FER: variants seen among roughly 807,000 people sequenced by gnomAD.
FER encodes tyrosine-protein kinase Fer.
In FER, 63 loss-of-function variants were observed where a neutral mutation model predicts 111.0. That is an observed-to-expected ratio of 0.57 (90% CI 0.46 to 0.70). The LOEUF (loss-of-function observed/expected upper bound fraction) is 0.70. FER is among the 30% of genes least tolerant of loss of function. The pLI, the probability that FER is intolerant of heterozygous loss-of-function variation, is 0.00. For missense variants in FER, 914 were observed against 954.0 expected (o/e 0.96, Z 0.55); for synonymous variants, 327 against 313.9 (o/e 1.04, Z -0.44).
At chr5:108,889,038 G>A (rs905381903) in intron 9 of FER, among the ~76,000 whole-genome samples, 2 of 151,762 alleles carry the variant, frequency 1.3e-5, no homozygotes, top group African/African-American at 4.8e-5. Context: ...AGTCCTGAAG[G>A]GGAATAAAAA....
At chr5:109,147,780 C>CATATATAT (rs145167406) in intron 17 of FER, among the ~76,000 whole-genome samples, 21 of 140,156 alleles carry the variant, frequency 1.5e-4, no homozygotes, top group African/African-American at 3.9e-4. Flanking sequence ...CACACACATA[C>CATATATAT]ATATATATAT....
At chr5:108,962,307 A>G (rs1759251771) in intron 13 of FER, among the ~76,000 whole-genome samples, 1 of 152,192 alleles carries the variant, frequency 6.6e-6, no homozygotes. Flanking sequence ...TTCTTACATT[A>G]GCAAACAAGT....
At chr5:109,178,940 G>A (rs902882637) in intron 17 of FER, among the ~76,000 whole-genome samples, 10 of 151,930 alleles carry the variant, frequency 6.6e-5, no homozygotes, top group African/African-American at 2.4e-4. Flanking sequence ...ATATTCACAT[G>A]ATTTTTTTCA....
At chr5:109,146,989 G>C (rs994852033) in intron 17 of FER, among the ~76,000 whole-genome samples, 5 of 151,964 alleles carry the variant, frequency 3.3e-5, no homozygotes, top group African/African-American at 1.2e-4. Flanking sequence ...ATAAATGGAG[G>C]CAAAAATGTT....
At chr5:109,053,338 A>G (rs1030971453) in intron 16 of FER, among the ~76,000 whole-genome samples, 1 of 146,664 alleles carries the variant, frequency 6.8e-6, no homozygotes, top group African/African-American at 2.5e-5. Flanking sequence ...AGCCAAGATC[A>G]TGCCACTGCA....
chr5:109,002,378 T>G (rs1351913703), intron 13 of FER, among the ~76,000 whole-genome samples: 1 of 151,544 alleles, frequency 6.6e-6, no homozygotes, highest in Non-Finnish European at 1.5e-5. Context: ...GGGGAAAGGA[T>G]TCCCTATTTA....
At chr5:108,875,540 T>C (rs1765002318) in intron 8 of FER, among the ~76,000 whole-genome samples, 1 of 152,138 alleles carries the variant, frequency 6.6e-6, no homozygotes, top group Admixed American at 6.6e-5. Flanking sequence ...AATTTGGGAC[T>C]CAGTAATTTT....
chr5:108,821,087 G>T (rs929851983), intron 3 of FER, among the ~76,000 whole-genome samples: 4 of 152,228 alleles, frequency 2.6e-5, no homozygotes, highest in Non-Finnish European at 4.4e-5. Flanking sequence ...ACTCCAGCCT[G>T]GGTGATAGAG....
At chr5:108,827,175 G>A (rs1160889381) in intron 3 of FER, among the ~76,000 whole-genome samples, 1 of 152,180 alleles carries the variant, frequency 6.6e-6, no homozygotes, top group Admixed American at 6.5e-5. Context: ...CTTACATGAT[G>A]TAGTTCAATA....
At chr5:109,140,597 A>G (rs965955195) in intron 17 of FER, among the ~76,000 whole-genome samples, 1 of 152,198 alleles carries the variant, frequency 6.6e-6, no homozygotes, top group African/African-American at 2.4e-5. Flanking sequence ...ACTAAATACA[A>G]AAGCCTGTTA....
chr5:109,056,943 ATTAG>A (rs1364803567), intron 16 of FER, among the ~76,000 whole-genome samples: 1 of 152,108 alleles, frequency 6.6e-6, no homozygotes, highest in East Asian at 1.9e-4. Flanking sequence ...TAATTTTAGT[ATTAG>A]TTTTTCAGTT....
chr5:108,827,965 G>A lies in FER; in HGVS notation c.208-4805G>A, dbSNP rs528181293. Reference sequence around the variant, plus strand: ...CAACCTCAGCCTCCTGAGTAGCTAGGACTATAGAAACAAGCCACCATATCC... The same window carrying A: ...CAACCTCAGCCTCCTGAGTAGCTAGAACTATAGAAACAAGCCACCATATCC... On this transcript the variant is annotated intron_variant, in intron 3 of 19. Coordinates refer to ENST00000281092, the MANE Select transcript of FER (RefSeq NM_005246.4). Among the ~76,000 whole-genome samples, 8 of 151,628 alleles carry A rather than the reference G, an allele frequency of 5.3e-5. No homozygotes were observed. In the East Asian group the frequency reaches 1.5e-3, roughly 29 times the overall value.
chr5:109,048,308 T>C (rs3797830), intron 16 of FER, among the ~76,000 whole-genome samples: 28,653 of 152,094 alleles, frequency 0.19, 2,866 homozygotes, highest in Non-Finnish European at 0.22. Flanking sequence ...TTATCCTCAT[T>C]AAGATGGCAT....
intron 16 of FER, among the ~76,000 whole-genome samples, chr5:109,079,183 T>C (rs1013187032): frequency 5.3e-5 from 8 of 152,146 alleles, no homozygotes; most frequent in Non-Finnish European, 8.8e-5. Context: ...ATCTTATTAG[T>C]TGAAAAGAAA....
chr5:108,992,668 C>T (rs1329765001), intron 13 of FER, among the ~76,000 whole-genome samples: 1 of 145,362 alleles, frequency 6.9e-6, no homozygotes, highest in Non-Finnish European at 1.5e-5. Context: ...GGGCGGCTGG[C>T]CTGGCGGGGG....
intron 16 of FER, among the ~76,000 whole-genome samples, chr5:109,078,507 A>G (rs1035935054): frequency 5.3e-5 from 8 of 152,168 alleles, no homozygotes; most frequent in Non-Finnish European, 7.4e-5. Context: ...GAATTGAGCC[A>G]GCTGTACTAA....
At chr5:109,130,078 A>T (rs1170861859) in intron 17 of FER, among the ~76,000 whole-genome samples, 9 of 151,828 alleles carry the variant, frequency 5.9e-5, no homozygotes, top group African/African-American at 2.2e-4. Flanking sequence ...TTACATTTAT[A>T]CTTATGCTTC....
chr5:109,125,126 C>A (rs1217187768), intron 17 of FER, among the ~76,000 whole-genome samples: 1 of 150,870 alleles, frequency 6.6e-6, no homozygotes, highest in African/African-American at 2.4e-5. Flanking sequence ...TGACTTTATT[C>A]TTTCACTAAA....
intron 13 of FER, among the ~76,000 whole-genome samples, chr5:109,008,631 AT>A (rs1351681171): frequency 6.6e-6 from 1 of 152,126 alleles, no homozygotes; most frequent in Non-Finnish European, 1.5e-5. Flanking sequence ...CTTTAAAAAA[AT>A]ATTTTGCGTA....
Sources: allele counts gnomAD v4.1 joint callset (sites outside exome capture counted in the v4.1 genomes callset), GRCh38; gene constraint gnomAD v4.1.1; transcripts MANE v1.5; gene names NCBI Gene and HGNC (gene_info 2026-07-23, HGNC 2026-07-21).